Variants in GABRA4 observed in about 807,000 individuals in gnomAD.
GABRA4 encodes gamma-aminobutyric acid receptor subunit alpha-4.
GABRA4 carries 12 observed loss-of-function variants against 49.7 expected under a neutral mutation model. The ratio of observed to expected loss-of-function variants is 0.24; its 90% CI spans 0.15 to 0.39. The LOEUF (loss-of-function observed/expected upper bound fraction) is 0.39. Among genes scored for constraint, GABRA4 ranks in the 10% least tolerant of loss-of-function variants. The pLI is 1.00. For missense variants in GABRA4, 506 were observed against 686.0 expected, an observed-to-expected ratio of 0.74 and a Z score of 2.93; for synonymous variants, 288 against 240.2, an observed-to-expected ratio of 1.20 and a Z score of -1.84.
Position 46,993,380 on chromosome 4 carries a change from C to G in GABRA4, c.45G>C (p.Gly15=), listed in dbSNP as rs778262084. The G allele has an allele frequency of 6.2e-7, 1 of 1,614,232 alleles. No individual in the cohort carries two copies. The highest frequency in any genetic ancestry group is 8.5e-7 in the Non-Finnish European group (1 of 1,180,036). ...KKVPAIALSA[G]VSFALLRFLC... ...GGAAGCGCAGGAGGGCGAAACTGAC[C>G]CCGGCGGACAGAGCGATCGCGGGTA... Residue 15 remains glycine, a synonymous_variant, in exon 1 of 9, where the codon GGG becomes GGC. Transcript: ENST00000264318.
At position 46,925,334 on chromosome 4, in the gene GABRA4, A is replaced by G. The variant is rs1721181327; in HGVS notation, c.*2891T>C. On this transcript the variant is annotated 3_prime_UTR_variant, in exon 9 of 9. Coordinates refer to ENST00000264318, the MANE Select transcript of GABRA4 (RefSeq NM_000809.4). ...TATATGCACAAGTGCAAGTCATTTTAAAATGTGGATTAATCATGTAAATAT... is the reference window on the plus strand; with the variant it reads ...TATATGCACAAGTGCAAGTCATTTTGAAATGTGGATTAATCATGTAAATAT... 1 of 152,100 alleles carries G rather than the reference A, an allele frequency of 6.6e-6. No individual in the cohort carries two copies. The highest frequency in any genetic ancestry group is 1.5e-5 in the Non-Finnish European group (1 of 67,882). The allele number at this position is 152,100 out of a possible 1,614,324, so 9.4% of individuals were successfully genotyped here. A position where few individuals can be genotyped will look rare whatever the true frequency, so the allele number is the denominator to read the frequency against.
chr4:46,962,554 T>C (rs1297671085), intron 8 of GABRA4, among the ~76,000 whole-genome samples: 3 of 151,880 alleles, frequency 2.0e-5, no homozygotes, highest in East Asian at 1.9e-4. Context: ...ACAGGTTCAG[T>C]GCAATCACTA....
At position 46,962,087 on chromosome 4, in the gene GABRA4, A is replaced by G. The variant is rs369248855; in HGVS notation, c.1134+2883T>C. Among the ~76,000 whole-genome samples, 22 of 151,944 alleles carry G rather than the reference A, an allele frequency of 1.4e-4. 1 individual carries two copies. The South Asian group carries it at 4.3e-3, about 30-fold the overall frequency. ...CGAGAATTCCTAATTTTGACTGTAC[A>G]TTTACTACAACTATCTAACTTCTTG... On this transcript the variant is annotated intron_variant, in intron 8 of 8. Coordinates refer to ENST00000264318, the MANE Select transcript of GABRA4 (RefSeq NM_000809.4).
At chr4:46,944,200 G>A (rs2109350995) in intron 8 of GABRA4, among the ~76,000 whole-genome samples, 1 of 152,212 alleles carries the variant, frequency 6.6e-6, no homozygotes, top group Admixed American at 6.5e-5. Flanking sequence ...GTAGTAATCA[G>A]TTCACCATGT....
chr4:46,961,813 G>C (rs1332890641), intron 8 of GABRA4, among the ~76,000 whole-genome samples: 4 of 151,798 alleles, frequency 2.6e-5, no homozygotes, highest in African/African-American at 9.7e-5. Context: ...GAAAGAGAGA[G>C]AAGGAGATAG....
intron 5 of GABRA4, 64 bp from the exon 6 acceptor site, chr4:46,974,439 C>G: frequency 7.1e-7 from 1 of 1,399,906 alleles, no homozygotes. Flanking sequence ...CAGTGGTCAA[C>G]ACTTAAAAAC....
chr4:46,940,743 C>G (rs973296959), intron 8 of GABRA4, among the ~76,000 whole-genome samples: 5 of 151,558 alleles, frequency 3.3e-5, no homozygotes, highest in Non-Finnish European at 2.9e-5. Context: ...CTCAACACCC[C>G]CCAAAAAATT....
intron 8 of GABRA4, among the ~76,000 whole-genome samples, chr4:46,937,836 T>C (rs1461926808): frequency 6.6e-6 from 1 of 152,134 alleles, no homozygotes; most frequent in Non-Finnish European, 1.5e-5. Context: ...AGTTTAGACA[T>C]AATTTGAGCT....
At chr4:46,957,026 A>G (rs1577768010) in intron 8 of GABRA4, among the ~76,000 whole-genome samples, 2 of 152,228 alleles carry the variant, frequency 1.3e-5, no homozygotes, top group Admixed American at 1.3e-4. Context: ...GAGTTCATGC[A>G]TACTTTATTT....
At chr4:46,941,410 G>A (rs1004377653) in intron 8 of GABRA4, among the ~76,000 whole-genome samples, 14 of 152,022 alleles carry the variant, frequency 9.2e-5, no homozygotes, top group African/African-American at 3.1e-4. Flanking sequence ...TGAGTACAGT[G>A]AGAATAATAA....
chr4:46,981,134 G>A (rs1577792243), intron 2 of GABRA4, among the ~76,000 whole-genome samples: 1 of 151,990 alleles, frequency 6.6e-6, no homozygotes, highest in African/African-American at 2.4e-5. Context: ...CCTAGCTGAG[G>A]CTGTTCACTT....
intron 5 of GABRA4, among the ~76,000 whole-genome samples, chr4:46,976,819 A>G (rs906224096): frequency 6.6e-6 from 1 of 151,890 alleles, no homozygotes; most frequent in Non-Finnish European, 1.5e-5. Flanking sequence ...TCACCAGCCA[A>G]TTGTGACTAA....
chr4:46,985,027 T>C (rs1723484472), intron 2 of GABRA4, among the ~76,000 whole-genome samples: 1 of 151,980 alleles, frequency 6.6e-6, no homozygotes, highest in African/African-American at 2.4e-5. Flanking sequence ...AAAAGCCTAC[T>C]GCCAACAGAG....
At chr4:46,985,409 A>G (rs1251390897) in intron 2 of GABRA4, among the ~76,000 whole-genome samples, 1 of 151,986 alleles carries the variant, frequency 6.6e-6, no homozygotes, top group Non-Finnish European at 1.5e-5. Flanking sequence ...TTATATTTTA[A>G]TAAATGATTG....
intron 1 of GABRA4, 99 bp from the exon 2 acceptor site, chr4:46,993,045 C>T (rs1723826501): frequency 1.1e-6 from 1 of 945,482 alleles, no homozygotes; most frequent in East Asian, 2.4e-5. Context: ...GAAAGAGTCG[C>T]TTGCCCCAAG....
intron 6 of GABRA4, among the ~76,000 whole-genome samples, chr4:46,973,254 A>C (rs1723012072): frequency 6.6e-6 from 1 of 151,750 alleles, no homozygotes; most frequent in Non-Finnish European, 1.5e-5. Context: ...ATAATAGCCA[A>C]TGTAATAATA....
intron 7 of GABRA4, among the ~76,000 whole-genome samples, chr4:46,967,660 G>A (rs960109324): frequency 1.3e-5 from 2 of 151,574 alleles, no homozygotes. Flanking sequence ...CTGCATCCAG[G>A]AAGACAATTC....
intron 8 of GABRA4, among the ~76,000 whole-genome samples, chr4:46,935,480 C>T (rs1389797523): frequency 6.6e-6 from 1 of 152,054 alleles, no homozygotes; most frequent in African/African-American, 2.4e-5. Context: ...TGATATGTCA[C>T]AGAAATAAAT....
intron 2 of GABRA4, among the ~76,000 whole-genome samples, chr4:46,980,373 CAA>C (rs35377347): frequency 0.022 from 2,740 of 127,174 alleles, 86 homozygotes; most frequent in African/African-American, 0.068. Flanking sequence ...CGATTTATGC[CAA>C]AAAAAAAAAA....
Sources: gnomAD v4.1 joint callset for allele counts (sites outside exome capture counted in the v4.1 genomes callset) on GRCh38, gnomAD v4.1.1 for gene constraint, MANE v1.5 for transcripts, NCBI Gene and HGNC (gene_info 2026-07-23, HGNC 2026-07-21) for gene names.